SCEL: variants seen among roughly 807,000 people sequenced by gnomAD.
The protein encoded by SCEL is sciellin.
In SCEL, 113 loss-of-function variants were observed where a neutral mutation model predicts 117.6. That is an observed-to-expected ratio of 0.96 (90% confidence interval 0.83 to 1.12). SCEL has a LOEUF of 1.12. Ranked by LOEUF, SCEL falls within the 50% of genes most tolerant of loss-of-function variation. The pLI is 0.00. For missense variants in SCEL, 785 were observed against 810.8 expected (o/e 0.97, Z 0.39); for synonymous variants, 270 against 256.2 (o/e 1.05, Z -0.51).
intron 3 of SCEL, among the ~76,000 whole-genome samples, chr13:77,558,626 C>A (rs1329579113): frequency 6.6e-6 from 1 of 151,596 alleles, no homozygotes; most frequent in Non-Finnish European, 1.5e-5. Flanking sequence ...CCAGCCTGGC[C>A]AACAGGAAGA....
In SCEL at chr13:77,628,798, C is replaced by T. The variant is rs139636101; in HGVS notation, c.1691+789C>T. Among the ~76,000 whole-genome samples, 523 of 152,212 alleles carry T rather than the reference C, an allele frequency of 3.4e-3. 4 individuals carry two copies. Among genetic ancestry groups the T allele is most frequent in the African/African-American group, 0.012 (498 of 41,546 alleles). ...GGCTCATTTTTCTTTTTCATACTGTCTCTAAAAGGTTCCTGAATCCGACAG... is the reference window on the plus strand; with the variant it reads ...GGCTCATTTTTCTTTTTCATACTGTTTCTAAAAGGTTCCTGAATCCGACAG... On this transcript the variant is annotated intron_variant, in intron 28 of 32. Transcript: ENST00000349847.
At chr13:77,556,170 G>A (rs191784646) in intron 2 of SCEL, among the ~76,000 whole-genome samples, 8 of 152,208 alleles carry the variant, frequency 5.3e-5, no homozygotes, top group Admixed American at 1.3e-4. Context: ...GGCTCTTACA[G>A]GATAAAAGAA....
intron 8 of SCEL, among the ~76,000 whole-genome samples, chr13:77,571,677 G>A (rs1020053996): frequency 4.0e-5 from 6 of 149,768 alleles, no homozygotes; most frequent in Admixed American, 2.0e-4. Context: ...CAACAAGAGC[G>A]AAACTCCGTC....
At chr13:77,617,187 C>G (rs758581575) in intron 24 of SCEL, among the ~76,000 whole-genome samples, 1 of 152,044 alleles carries the variant, frequency 6.6e-6, no homozygotes, top group Non-Finnish European at 1.5e-5. Context: ...CCTGTCTTTG[C>G]TAAGCTTTAT....
intron 9 of SCEL, among the ~76,000 whole-genome samples, chr13:77,581,906 G>A (rs907788844): frequency 6.6e-5 from 10 of 152,162 alleles, no homozygotes; most frequent in African/African-American, 2.4e-4. Flanking sequence ...CTTGCATTGT[G>A]TGGAGGGGAG....
At chr13:77,577,775 C>G (rs1325299442) in intron 9 of SCEL, among the ~76,000 whole-genome samples, 1 of 152,166 alleles carries the variant, frequency 6.6e-6, no homozygotes, top group Non-Finnish European at 1.5e-5. Flanking sequence ...ACCAAACTAC[C>G]TAAAATGAAA....
At chr13:77,590,185 T>C (rs1304698161) in intron 10 of SCEL, among the ~76,000 whole-genome samples, 1 of 152,122 alleles carries the variant, frequency 6.6e-6, no homozygotes, top group East Asian at 1.9e-4. Context: ...GAGAGTAACT[T>C]CAGTTACAAA....
rs758185697 is a variant in SCEL at position 77,568,267 on chromosome 13, A to G, written c.360-28A>G. 6.0e-6 allele frequency: 9 copies of G among 1,498,428 alleles called. 1 individual carries two copies. In the South Asian group the frequency reaches 1.1e-4, roughly 18 times the overall value. 92.8% of individuals were successfully genotyped at this position (1,498,428 alleles called of 1,614,324 possible). On this transcript the variant is annotated intron_variant, in intron 6 of 32. Transcript: ENST00000349847. ...TGCAAATGTTCATTCTTCATTGTTC[A>G]AACTTTGCTTTCTTTCTCTCTTACC...
chr13:77,559,980 T>C, intron 4 of SCEL, 117 bp downstream of exon 4: 1 of 857,472 alleles, frequency 1.2e-6, no homozygotes. Context: ...CCCGATGTTC[T>C]GGGCATGTGA....
In SCEL at chr13:77,645,193, A is replaced by G. The variant is rs1200108343; in HGVS notation, c.*919A>G. Reference sequence around the variant, plus strand: ...AGATATGTTCTTTAGTATGTTATATATACTCATATTACATAGCAGTATGTT... The same window carrying G: ...AGATATGTTCTTTAGTATGTTATATGTACTCATATTACATAGCAGTATGTT... On this transcript the variant is annotated 3_prime_UTR_variant, in exon 33 of 33. Transcript: ENST00000349847. 1 of 152,142 alleles carries G rather than the reference A, an allele frequency of 6.6e-6. No individual in the cohort carries two copies. Among genetic ancestry groups the G allele is most frequent in the Non-Finnish European group, 1.5e-5 (1 of 67,976 alleles). The allele number at this position is 152,142 out of a possible 1,614,324, so 9.4% of individuals were successfully genotyped here.
chr13:77,582,822 C>T lies in SCEL; in HGVS notation c.546-6322C>T, dbSNP rs188522577. On this transcript the variant is annotated intron_variant, in intron 9 of 32. Transcript: ENST00000349847. Reference sequence around the variant, plus strand: ...TAACTAATGATCACAAAAATTTCTTCTGTTTTCTTCTAAAAGTTTGTAGTT... The same window carrying T: ...TAACTAATGATCACAAAAATTTCTTTTGTTTTCTTCTAAAAGTTTGTAGTT... Among the ~76,000 whole-genome samples, 377 of 145,032 alleles carry T rather than the reference C, an allele frequency of 2.6e-3. 2 individuals are homozygous for T. Among genetic ancestry groups the T allele is most frequent in the African/African-American group, 8.4e-3 (346 of 41,284 alleles).
chr13:77,562,988 A>C (rs1000473490), intron 4 of SCEL, among the ~76,000 whole-genome samples: 2 of 152,200 alleles, frequency 1.3e-5, no homozygotes, highest in African/African-American at 4.8e-5. Context: ...TGCTTGCTTT[A>C]TATCATAGGG....
chr13:77,576,163 C>T (rs1263292467), intron 9 of SCEL, among the ~76,000 whole-genome samples: 2 of 152,166 alleles, frequency 1.3e-5, no homozygotes, highest in African/African-American at 4.8e-5. Context: ...TTTTCTGCTT[C>T]CTATCACCAT....
chr13:77,552,926 T>C (rs201655150), intron 1 of SCEL, among the ~76,000 whole-genome samples: 3,789 of 152,300 alleles, frequency 0.025, 159 homozygotes, highest in East Asian at 0.13. Context: ...TTTCTACATA[T>C]GGCTAGCCAG....
At chr13:77,541,059 G>T (rs927845572) in intron 1 of SCEL, among the ~76,000 whole-genome samples, 17 of 152,260 alleles carry the variant, frequency 1.1e-4, no homozygotes, top group African/African-American at 3.6e-4. Flanking sequence ...TTTAAAGAGT[G>T]AAAGTGGAAG....
intron 4 of SCEL, among the ~76,000 whole-genome samples, chr13:77,562,380 G>T (rs1189925743): frequency 4.6e-5 from 7 of 152,096 alleles, no homozygotes; most frequent in Non-Finnish European, 1.0e-4. Flanking sequence ...TCACTCTGGG[G>T]TTGTATTAAA....
chr13:77,632,258 T>G (rs1006210081), intron 28 of SCEL, among the ~76,000 whole-genome samples: 3 of 152,248 alleles, frequency 2.0e-5, no homozygotes, highest in Admixed American at 6.5e-5. Flanking sequence ...TTTTGCAAAC[T>G]GGTGATTTTT....
intron 9 of SCEL, among the ~76,000 whole-genome samples, chr13:77,582,167 A>G (rs1027045803): frequency 6.6e-6 from 1 of 152,084 alleles, no homozygotes; most frequent in Non-Finnish European, 1.5e-5. Context: ...CATTATATAC[A>G]CCCTTTTCAT....
intron 13 of SCEL, among the ~76,000 whole-genome samples, chr13:77,598,397 G>T (rs1291493803): frequency 1.3e-5 from 2 of 152,164 alleles, no homozygotes; most frequent in Non-Finnish European, 2.9e-5. Context: ...TTCCTATCCT[G>T]TTCTGGCAAT....
Sources: gnomAD v4.1 joint callset for allele counts (sites outside exome capture counted in the v4.1 genomes callset) on GRCh38, gnomAD v4.1.1 for gene constraint, MANE v1.5 for transcripts, NCBI Gene and HGNC (gene_info 2026-07-23, HGNC 2026-07-21) for gene names.